SEMA3D: variants seen among roughly 807,000 people sequenced by gnomAD.
SEMA3D encodes the protein semaphorin-3D.
SEMA3D carries 84 observed loss-of-function variants against 100.1 expected under a neutral mutation model. The observed-to-expected ratio is 0.84, with a 90% confidence interval of 0.70 to 1.01. The LOEUF (loss-of-function observed/expected upper bound fraction) is 1.01, where lower values mean the gene tolerates loss of function less well. Ranked by LOEUF, SEMA3D falls within the 50% of genes least tolerant of loss-of-function variation. SEMA3D has a pLI of 0.00. For synonymous variants in SEMA3D, 312 were observed against 320.7 expected (o/e 0.97, Z 0.29); for missense variants, 875 against 934.1 (o/e 0.94, Z 0.82).
the SEMA3D span, among the ~76,000 whole-genome samples, chr7:85,248,680 G>A: frequency 6.6e-6 from 1 of 152,186 alleles, no homozygotes. Flanking sequence ...GAAAAGACAT[G>A]GAGGAAACTT....
At chr7:85,007,678 T>C (rs941244266) in intron 17 of SEMA3D, among the ~76,000 whole-genome samples, 4 of 151,806 alleles carry the variant, frequency 2.6e-5, no homozygotes, top group Non-Finnish European at 5.9e-5. Flanking sequence ...GCTGTGTCCC[T>C]TGTGTGATCT....
At chr7:85,147,317 G>A (rs996167946) in intron 2 of SEMA3D, among the ~76,000 whole-genome samples, 3 of 151,698 alleles carry the variant, frequency 2.0e-5, no homozygotes, top group African/African-American at 7.3e-5. Context: ...GGCCAGGCAG[G>A]TCTCAAATGC....
intron 8 of SEMA3D, among the ~76,000 whole-genome samples, chr7:85,063,922 A>AGG (rs1350323248): frequency 1.8e-4 from 28 of 152,310 alleles, no homozygotes; most frequent in African/African-American, 6.3e-4. Context: ...GCAGGCCACA[A>AGG]GGGTAGAATA....
At chr7:85,068,307 T>A (rs771496103) in intron 6 of SEMA3D, 23 bp from the exon 7 acceptor site, 2 of 1,253,154 alleles carry the variant, frequency 1.6e-6, no homozygotes, top group Non-Finnish European at 2.3e-6. Flanking sequence ...ATATTAACAC[T>A]AGTGAACTTT....
intron 12 of SEMA3D, among the ~76,000 whole-genome samples, chr7:85,030,567 G>A (rs1330319847): frequency 6.6e-6 from 1 of 151,974 alleles, no homozygotes; most frequent in Non-Finnish European, 1.5e-5. Flanking sequence ...AGTAAAACAT[G>A]CATTTTATAT....
At chr7:85,057,114 A>G (rs1437752439) in intron 8 of SEMA3D, among the ~76,000 whole-genome samples, 1 of 152,018 alleles carries the variant, frequency 6.6e-6, no homozygotes, top group East Asian at 1.9e-4. Flanking sequence ...GTAGGTACTG[A>G]CCTGGAAAGA....
the SEMA3D span, among the ~76,000 whole-genome samples, chr7:85,234,358 T>C: frequency 1.3e-5 from 2 of 152,358 alleles, no homozygotes; most frequent in East Asian, 3.9e-4. Context: ...CTAAACTTCC[T>C]GAGAGAAACT....
intron 2 of SEMA3D, chr7:85,144,764 A>G (rs752114442): frequency 3.0e-4 from 198 of 654,848 alleles, no homozygotes; most frequent in Non-Finnish European, 3.6e-4. Context: ...GCAAATAATA[A>G]TATTTCATAG....
At chr7:85,074,245 C>T (rs1791857936) in intron 5 of SEMA3D, among the ~76,000 whole-genome samples, 1 of 152,126 alleles carries the variant, frequency 6.6e-6, no homozygotes. Flanking sequence ...AGTCCAGTTT[C>T]TTTCTGCCCA....
At chr7:85,052,232 A>C (rs1306410493) in intron 9 of SEMA3D, among the ~76,000 whole-genome samples, 1 of 151,918 alleles carries the variant, frequency 6.6e-6, no homozygotes, top group Non-Finnish European at 1.5e-5. Flanking sequence ...ATCCAGATAC[A>C]TTCTTCAAAT....
At chr7:85,210,609 T>C in the SEMA3D span, among the ~76,000 whole-genome samples, 1 of 151,914 alleles carries the variant, frequency 6.6e-6, no homozygotes. Context: ...ACTTAAGACA[T>C]CTACAATAGA....
At chr7:85,087,991 C>CT (rs1788275697) in intron 4 of SEMA3D, among the ~76,000 whole-genome samples, 1 of 151,994 alleles carries the variant, frequency 6.6e-6, no homozygotes, top group Admixed American at 6.6e-5. Flanking sequence ...TTTAATAATA[C>CT]TTTTTTATGT....
chr7:85,065,511 T>C lies in SEMA3D; in HGVS notation c.631A>G (p.Lys211Glu). Residue 211 changes from lysine (K) to glutamate (E), a missense_variant, in exon 8 of 19, where the codon AAA becomes GAA. By Grantham distance (56) the Lys-to-Glu change is moderately conservative (BLOSUM62 1). Transcript: ENST00000284136. ...AGGGATCGAGTGAATGCAGTATCTT[T>C]GCCAAGGAAATCAGAAGCTGTTCCA... Reference protein sequence around the residue: ...YSGTASDFLGKDTAFTRSLGP... With the variant: ...YSGTASDFLGEDTAFTRSLGP... 2 of 1,613,182 alleles carry C rather than the reference T, an allele frequency of 1.2e-6. No homozygotes were observed. The highest frequency in any genetic ancestry group is 1.7e-6 in the Non-Finnish European group (2 of 1,179,280).
chr7:85,175,097 G>A (rs963868169), intron 1 of SEMA3D, among the ~76,000 whole-genome samples: 1 of 152,150 alleles, frequency 6.6e-6, no homozygotes, highest in Non-Finnish European at 1.5e-5. Context: ...ACATGGAGAT[G>A]ATGGTTTTGT....
chr7:85,237,664 T>A, the SEMA3D span, among the ~76,000 whole-genome samples: 1 of 152,194 alleles, frequency 6.6e-6, no homozygotes, highest in South Asian at 2.1e-4. Context: ...TGTACCCCAA[T>A]TTTTTATCTA....
At chr7:85,199,278 A>C in the SEMA3D span, among the ~76,000 whole-genome samples, 6 of 151,822 alleles carry the variant, frequency 4.0e-5, no homozygotes, top group African/African-American at 1.4e-4. Flanking sequence ...GTATATTTGC[A>C]TAAGATTATG....
At chr7:85,077,661 T>C (rs1320321953) in intron 5 of SEMA3D, among the ~76,000 whole-genome samples, 1 of 152,218 alleles carries the variant, frequency 6.6e-6, no homozygotes, top group Non-Finnish European at 1.5e-5. Context: ...CATATTTTAT[T>C]CATTCATATG....
At chr7:85,091,567 T>A (rs1788395846) in intron 4 of SEMA3D, among the ~76,000 whole-genome samples, 1 of 151,706 alleles carries the variant, frequency 6.6e-6, no homozygotes, top group Admixed American at 6.6e-5. Flanking sequence ...ATTCTTGAAG[T>A]TTACATAGAG....
intron 18 of SEMA3D, among the ~76,000 whole-genome samples, chr7:85,001,383 T>C (rs901620486): frequency 6.6e-6 from 1 of 152,230 alleles, no homozygotes; most frequent in Non-Finnish European, 1.5e-5. Flanking sequence ...GAAATGCTAT[T>C]GTAATACAAA....
Sources: allele counts gnomAD v4.1 joint callset (sites outside exome capture counted in the v4.1 genomes callset), GRCh38; gene constraint gnomAD v4.1.1; transcripts MANE v1.5; gene names NCBI Gene and HGNC (gene_info 2026-07-23, HGNC 2026-07-21).